Variants in SDCCAG8 observed in about 807,000 individuals in gnomAD.
The protein encoded by SDCCAG8 is SHH signaling and ciliogenesis regulator SDCCAG8, also known as serologically defined colon cancer antigen 8.
In SDCCAG8, 74 loss-of-function variants were observed where a neutral mutation model predicts 101.8. The observed-to-expected ratio is 0.73, with a 90% confidence interval of 0.60 to 0.88. The LOEUF (loss-of-function observed/expected upper bound fraction) is 0.88. Among genes scored for constraint, SDCCAG8 ranks in the 40% least tolerant of loss-of-function variants. The pLI is 0.00. For synonymous variants in SDCCAG8, 281 were observed against 292.9 expected, an observed-to-expected ratio of 0.96 and a Z score of 0.41; for missense variants, 787 against 822.6, an observed-to-expected ratio of 0.96 and a Z score of 0.53.
Position 243,344,268 on chromosome 1 carries a change from G to A in SDCCAG8, c.1410G>A (p.Glu470=). The part of the protein sequence containing the change: ...QLNKTNMEKD[E]AEKEHREFRA... ...ATAAAACCAACATGGAGAAGGATGAGGCAGAAAAGGAGCACAGAGAGTTCA... is the reference window on the plus strand; with the variant it reads ...ATAAAACCAACATGGAGAAGGATGAAGCAGAAAAGGAGCACAGAGAGTTCA... The change falls in exon 12 of 18, where the codon GAG becomes GAA. Residue 470 remains glutamate (E), a synonymous_variant. Coordinates refer to ENST00000366541, the MANE Select transcript of SDCCAG8 (RefSeq NM_006642.5). 6.2e-7 allele frequency: 1 copy of A among 1,613,992 alleles called. No homozygotes were observed. The highest frequency in any genetic ancestry group is 2.2e-5 in the East Asian group (1 of 44,852).
rs772347866 is a variant in SDCCAG8, at chr1:243,415,823, A to C, written c.1738A>C (p.Lys580Gln). 1 of 1,613,276 alleles carries C rather than the reference A, an allele frequency of 6.2e-7. No homozygotes were observed. The highest frequency in any genetic ancestry group is 8.5e-7 in the Non-Finnish European group (1 of 1,179,654). The change falls in exon 14 of 18, where the codon AAA (lysine) becomes CAA (glutamine). Residue 580 changes from lysine to glutamine, a missense_variant. Coordinates refer to ENST00000366541, the MANE Select transcript of SDCCAG8 (RefSeq NM_006642.5). ...ACAGCAAATGGAGGCCCAGCATGAC[A>C]AAACTGGTAGGTGGTAGGGAAAGAT... is the stretch of plus-strand genomic sequence containing the variant. ...KIQQMEAQHDKTENEQYLLLT... is the reference protein window; with the variant it reads ...KIQQMEAQHDQTENEQYLLLT...
intron 13 of SDCCAG8, among the ~76,000 whole-genome samples, chr1:243,404,310 C>T (rs2079607361): frequency 6.6e-6 from 1 of 152,124 alleles, no homozygotes; most frequent in African/African-American, 2.4e-5. Context: ...AAGGGCCGCT[C>T]TGTAGCTACA....
At chr1:243,417,809 T>A (rs1418464242) in intron 14 of SDCCAG8, among the ~76,000 whole-genome samples, 159 bp from the exon 15 acceptor site, 1 of 152,164 alleles carries the variant, frequency 6.6e-6, no homozygotes, top group African/African-American at 2.4e-5. Context: ...TGAGTGTCTT[T>A]CCAGATGATA....
intron 17 of SDCCAG8, among the ~76,000 whole-genome samples, chr1:243,497,876 C>T (rs1357247856): frequency 6.6e-6 from 1 of 152,074 alleles, no homozygotes; most frequent in Non-Finnish European, 1.5e-5. Context: ...GAGATGAGGT[C>T]TCACTATGTT....
chr1:243,431,806 G>A (rs1195809452), intron 16 of SDCCAG8, among the ~76,000 whole-genome samples: 1 of 152,136 alleles, frequency 6.6e-6, no homozygotes, highest in African/African-American at 2.4e-5. Context: ...TCATCTGGGC[G>A]TTCACTGTCA....
chr1:243,307,697 G>T (rs2072296054), intron 7 of SDCCAG8: 1 of 1,314,330 alleles, frequency 7.6e-7, no homozygotes. Context: ...ATGGAGGTTG[G>T]ATCCTGGGAC....
intron 13 of SDCCAG8, among the ~76,000 whole-genome samples, chr1:243,385,208 G>A (rs2078200543): frequency 6.6e-6 from 1 of 151,820 alleles, no homozygotes; most frequent in Non-Finnish European, 1.5e-5. Flanking sequence ...TGGGCAACGT[G>A]GCGAAACCCC....
chr1:243,404,222 G>A (rs2079599233), intron 13 of SDCCAG8, among the ~76,000 whole-genome samples: 1 of 152,190 alleles, frequency 6.6e-6, no homozygotes, highest in Admixed American at 6.5e-5. Context: ...TTTGGATATA[G>A]TCAGGGCAGG....
intron 13 of SDCCAG8, among the ~76,000 whole-genome samples, chr1:243,408,732 T>C (rs114197857): frequency 1.5e-3 from 222 of 152,318 alleles, no homozygotes; most frequent in African/African-American, 4.8e-3. Context: ...TTGGACATAC[T>C]GTATAACCTC....
intron 16 of SDCCAG8, among the ~76,000 whole-genome samples, chr1:243,484,314 GC>G (rs1167709449): frequency 6.6e-6 from 1 of 152,238 alleles, no homozygotes; most frequent in Non-Finnish European, 1.5e-5. Context: ...TTGCAGTGCG[GC>G]CCCGAAGTGG....
intron 16 of SDCCAG8, among the ~76,000 whole-genome samples, chr1:243,453,986 TC>T (rs1247907872): frequency 6.6e-6 from 1 of 152,164 alleles, no homozygotes; most frequent in Non-Finnish European, 1.5e-5. Context: ...AGTAGTAAAA[TC>T]TAAGTACCAT....
At chr1:243,268,164 A>T (rs1292094119) in intron 1 of SDCCAG8, 7 of 599,338 alleles carry the variant, frequency 1.2e-5, no homozygotes. Flanking sequence ...CAACGGTGCA[A>T]TGCTTTTACC....
At chr1:243,368,233 A>G (rs886968668) in intron 12 of SDCCAG8, among the ~76,000 whole-genome samples, 1 of 151,546 alleles carries the variant, frequency 6.6e-6, no homozygotes, top group African/African-American at 2.4e-5. Flanking sequence ...AAGAAGAAGA[A>G]GAGAAAAGAA....
intron 16 of SDCCAG8, among the ~76,000 whole-genome samples, chr1:243,452,597 A>C (rs980721414): frequency 3.3e-5 from 5 of 150,866 alleles, no homozygotes; most frequent in African/African-American, 1.2e-4. Flanking sequence ...CTATATATAT[A>C]TGTATATATT....
At chr1:243,378,695 G>A in intron 12 of SDCCAG8, 26 bp from the exon 13 acceptor site, 3 of 1,612,462 alleles carry the variant, frequency 1.9e-6, no homozygotes, top group Non-Finnish European at 2.5e-6. Context: ...TTATATGGAT[G>A]CTTTTTCCCC....
intron 4 of SDCCAG8, among the ~76,000 whole-genome samples, chr1:243,281,928 T>G (rs1032012487): frequency 3.9e-5 from 6 of 152,130 alleles, no homozygotes; most frequent in African/African-American, 1.2e-4. Context: ...TTACGAGGTG[T>G]GAGCCACTGC....
chr1:243,476,197 C>T, intron 16 of SDCCAG8: 1 of 985,524 alleles, frequency 1.0e-6, no homozygotes, highest in Non-Finnish European at 1.2e-6. Context: ...GTTACCGTGG[C>T]AACCAGCAGA....
At position 243,304,733 on chromosome 1, in the gene SDCCAG8, T is replaced by G. The variant is rs772544112; in HGVS notation, c.696T>G (p.Tyr232Ter). 9.4e-5 allele frequency: 150 copies of G among 1,590,844 alleles called. No individual in the cohort carries two copies. The highest frequency in any genetic ancestry group is 1.2e-4 in the Non-Finnish European group (137 of 1,159,164). The change falls in exon 7 of 18, where the codon TAT becomes TAG. Residue 232 changes from tyrosine to a stop codon, truncating the protein, a stop_gained. Transcript: ENST00000366541. LOFTEE classifies it high-confidence loss of function. ...QLELEKLKLTYEEKCEIEESQ... is the reference protein window; with the variant it reads ...QLELEKLKLT ...TATAGGAGAAGCTAAAACTTACTTATGAGGAAAAGTGTGAAATTGAGGAAT... is the reference window on the plus strand; with the variant it reads ...TATAGGAGAAGCTAAAACTTACTTAGGAGGAAAAGTGTGAAATTGAGGAAT...
chr1:243,479,514 G>A (rs1458543612), intron 16 of SDCCAG8, among the ~76,000 whole-genome samples: 2 of 152,206 alleles, frequency 1.3e-5, no homozygotes, highest in African/African-American at 4.8e-5. Flanking sequence ...ATTTCATGCA[G>A]TGTTCACATA....
Sources: allele counts gnomAD v4.1 joint callset (sites outside exome capture counted in the v4.1 genomes callset), GRCh38; gene constraint gnomAD v4.1.1; transcripts MANE v1.5; gene names NCBI Gene and HGNC (gene_info 2026-07-23, HGNC 2026-07-21).